Variants in VPS13B observed in about 807,000 individuals in gnomAD.
VPS13B encodes intermembrane lipid transfer protein VPS13B.
A neutral mutation model predicts 426.4 loss-of-function variants in VPS13B; 285 were observed. The observed-to-expected ratio is 0.67, with a 90% CI of 0.61 to 0.74. VPS13B has a LOEUF of 0.74. Ranked by LOEUF, VPS13B falls within the 30% of genes least tolerant of loss-of-function variation. The pLI is 0.00. For synonymous variants in VPS13B, 1,676 were observed against 1,676.4 expected (o/e 1.00, Z 0.01); for missense variants, 4,537 against 4,782.6 (o/e 0.95, Z 1.51).
chr8:99,358,859 C>A (rs1812337162), intron 19 of VPS13B, among the ~76,000 whole-genome samples: 1 of 152,128 alleles, frequency 6.6e-6, no homozygotes, highest in South Asian at 2.1e-4. Flanking sequence ...AAAGTACATG[C>A]AAATTTTGAT....
intron 17 of VPS13B, among the ~76,000 whole-genome samples, chr8:99,248,146 C>A (rs894083854): frequency 3.3e-5 from 5 of 152,140 alleles, no homozygotes; most frequent in African/African-American, 1.2e-4. Context: ...TAAGATATTT[C>A]TTTAATGATT....
intron 58 of VPS13B, among the ~76,000 whole-genome samples, chr8:99,866,399 T>C (rs150550844): frequency 2.0e-5 from 3 of 152,218 alleles, no homozygotes; most frequent in Non-Finnish European, 4.4e-5. Context: ...TGGTGAGGTG[T>C]TGGTGTGTGT....
intron 31 of VPS13B, among the ~76,000 whole-genome samples, chr8:99,573,405 T>A (rs1270851390): frequency 6.6e-6 from 1 of 152,202 alleles, no homozygotes; most frequent in Non-Finnish European, 1.5e-5. Context: ...ATTGCCTAGG[T>A]TTTCTTCTAG....
At chr8:99,779,120 CACAA>C in intron 42 of VPS13B, 89 bp downstream of exon 42, 1 of 1,246,682 alleles carries the variant, frequency 8.0e-7, no homozygotes, top group South Asian at 1.2e-5. Flanking sequence ...ATAAGTTCAA[CACAA>C]ACAAAAATGT....
intron 15 of VPS13B, among the ~76,000 whole-genome samples, chr8:99,165,404 G>A (rs1811945851): frequency 6.6e-6 from 1 of 152,124 alleles, no homozygotes; most frequent in Non-Finnish European, 1.5e-5. Context: ...CCCATCGTTT[G>A]AATATGTATG....
intron 19 of VPS13B, among the ~76,000 whole-genome samples, chr8:99,344,117 A>G (rs890422948): frequency 2.6e-5 from 4 of 152,226 alleles, no homozygotes; most frequent in African/African-American, 4.8e-5. Context: ...AAATACATTG[A>G]TCAATGGAAC....
chr8:99,211,882 T>C (rs1172809556), intron 17 of VPS13B, among the ~76,000 whole-genome samples: 2 of 152,132 alleles, frequency 1.3e-5, no homozygotes, highest in East Asian at 1.9e-4. Flanking sequence ...AATTGTGCAA[T>C]TTTATTTTTT....
intron 28 of VPS13B, among the ~76,000 whole-genome samples, chr8:99,510,819 A>T (rs891527816): frequency 6.6e-6 from 1 of 152,052 alleles, no homozygotes; most frequent in African/African-American, 2.4e-5. Flanking sequence ...CAAATTCTTA[A>T]TGTTACAGAA....
intron 19 of VPS13B, among the ~76,000 whole-genome samples, chr8:99,338,738 TTTA>T (rs1328289966): frequency 6.6e-6 from 1 of 152,124 alleles, no homozygotes; most frequent in Non-Finnish European, 1.5e-5. Flanking sequence ...GTTGCAGAAT[TTTA>T]TTGTTTTGAA....
At chr8:99,147,587 A>G (rs1563567862) in intron 13 of VPS13B, among the ~76,000 whole-genome samples, 1 of 152,196 alleles carries the variant, frequency 6.6e-6, no homozygotes, top group Admixed American at 6.5e-5. Context: ...TCTTTTAAAG[A>G]AAGAAATTGG....
intron 33 of VPS13B, among the ~76,000 whole-genome samples, chr8:99,597,669 A>T (rs1297946192): frequency 6.6e-6 from 1 of 152,028 alleles, no homozygotes. Context: ...CACAGTAAGG[A>T]TAACAAAGTG....
intron 36 of VPS13B, among the ~76,000 whole-genome samples, chr8:99,714,228 A>C (rs1832823185): frequency 6.6e-6 from 1 of 152,120 alleles, no homozygotes; most frequent in African/African-American, 2.4e-5. Flanking sequence ...GGTTCAGAGT[A>C]AGCAACAATG....
intron 17 of VPS13B, among the ~76,000 whole-genome samples, chr8:99,232,637 C>T (rs1377728690): frequency 6.6e-5 from 10 of 152,342 alleles, no homozygotes; most frequent in South Asian, 2.1e-4. Flanking sequence ...ATCTTACCAT[C>T]GTCCCCTTCT....
Position 99,115,785 on chromosome 8 carries a change from C to T in VPS13B, c.848C>T (p.Ala283Val). The T allele has an allele frequency of 6.2e-7, 1 of 1,613,682 alleles. No homozygotes were observed. The highest frequency in any genetic ancestry group is 1.3e-5 in the African/African-American group (1 of 75,036). The part of the protein sequence containing the change: ...MFIRIMQLGI[A>V]LYYGEIGNFK... ...ATTCGTATAATGCAACTTGGAATTG[C>T]TCTTTACTATGGAGAAATAGGCAAT... The change falls in exon 7 of 62, where the codon GCT (alanine) becomes GTT (valine). Residue 283 changes from alanine (A) to valine (V), a missense_variant. Physicochemically the swap from Ala to Val is moderately conservative, Grantham distance 64 (BLOSUM62 0). Around this residue, in one of 2 missense-constraint regions of VPS13B, gnomAD observed 4,311 missense variants for 4,474.3 expected, o/e 0.96. Coordinates refer to ENST00000357162, the MANE Select transcript of VPS13B (RefSeq NM_152564.5).
At chr8:99,874,887 A>AAAAGC (rs1817614218) in intron 61 of VPS13B, 1 of 154,446 alleles carries the variant, frequency 6.5e-6, no homozygotes, top group African/African-American at 2.4e-5. Context: ...TAGGATTTAG[A>AAAAGC]AAAGCAGAAA....
rs774441711 is a variant in VPS13B at position 99,507,182 on chromosome 8, A to G, written c.4203A>G (p.Leu1401=). 10 of 1,613,862 alleles carry G rather than the reference A, an allele frequency of 6.2e-6. No homozygotes were observed. Among genetic ancestry groups the G allele is most frequent in the Admixed American group, 1.7e-5 (1 of 59,982 alleles). Residue 1401 remains leucine (L), a synonymous_variant, in exon 28 of 62, where the codon CTA becomes CTG. Transcript: ENST00000357162. ...CAGGACATTTTGAAGGAGTATTTCT[A>G]CAATGCAAAGAAAAATCTGTGGTGA... ...WQSGHFEGVF[L]QCKEKSVTTT...
At chr8:99,830,127 GT>G (rs1231937920) in intron 51 of VPS13B, among the ~76,000 whole-genome samples, 3 of 152,224 alleles carry the variant, frequency 2.0e-5, no homozygotes, top group African/African-American at 7.2e-5. Flanking sequence ...CTTCAGCACT[GT>G]GCTGGGAGAT....
At chr8:99,561,005 G>T (rs1267288042) in intron 31 of VPS13B, among the ~76,000 whole-genome samples, 1 of 152,150 alleles carries the variant, frequency 6.6e-6, no homozygotes, top group East Asian at 1.9e-4. Context: ...TTGTGTATGT[G>T]TGTATGTGTT....
chr8:99,425,170 A>G (rs1286468910), intron 21 of VPS13B, among the ~76,000 whole-genome samples: 2 of 152,204 alleles, frequency 1.3e-5, no homozygotes, highest in Non-Finnish European at 2.9e-5. Context: ...TTCTGAAACT[A>G]TTCCAATCAA....
Sources: gnomAD v4.1 joint callset for allele counts (sites outside exome capture counted in the v4.1 genomes callset) on GRCh38, gnomAD v4.1.1 for gene constraint, gnomAD v4.1.1 regional missense constraint, MANE v1.5 for transcripts, NCBI Gene and HGNC (gene_info 2026-07-23, HGNC 2026-07-21) for gene names.